The following TENM1 variants were observed in gnomAD, a reference collection of about 807,000 sequenced individuals.
TENM1 encodes teneurin transmembrane protein 1.
TENM1 carries 35 observed loss-of-function variants against 174.8 expected under a neutral mutation model. That is an observed-to-expected ratio of 0.20 (90% CI 0.15 to 0.27). The LOEUF (loss-of-function observed/expected upper bound fraction) is 0.27. Ranked by LOEUF, TENM1 falls within the 10% of genes least tolerant of loss-of-function variation. The pLI is 1.00. For synonymous variants in TENM1, 781 were observed against 798.7 expected, an observed-to-expected ratio of 0.98 and a Z score of 0.37; for missense variants, 1,633 against 2,130.1, an observed-to-expected ratio of 0.77 and a Z score of 4.59.
Position 124,800,794 on chromosome X carries a change from A to G in TENM1, c.536-63597T>C, listed in dbSNP as rs548371329. ...AGCTGTGTCCCAGGGATTCTAGTAC[A>G]TTGTCTCTTTGTTCTAATAGGTTTC... On this transcript the variant is annotated intron_variant, in intron 3 of 31. Coordinates refer to ENST00000422452, the Ensembl canonical transcript of TENM1. Among the ~76,000 whole-genome samples, 29 of 111,700 alleles carry G rather than the reference A, an allele frequency of 2.6e-4. No homozygotes were observed. The South Asian group carries it at 0.011, about 42-fold the overall frequency.
At chrX:124,529,095 A>G (rs1259604286) in intron 16 of TENM1, among the ~76,000 whole-genome samples, 1 of 111,537 alleles carries the variant, frequency 9.0e-6, no homozygotes, top group Non-Finnish European at 1.9e-5. Context: ...TGAGTAGGAC[A>G]TTTTAAGGGT....
At chrX:125,102,761 A>G in the TENM1 span, among the ~76,000 whole-genome samples, 2 of 112,542 alleles carry the variant, frequency 1.8e-5, no homozygotes, top group Non-Finnish European at 3.8e-5. Context: ...TTAGTTAGAC[A>G]TACCCTTGAA....
Position 124,411,337 on chromosome X carries a change from A to ATG in TENM1, c.4983-4850_4983-4849dup, listed in dbSNP as rs35094942. Among the ~76,000 whole-genome samples the ATG allele has an allele frequency of 6.3e-3, 685 of 108,282 alleles. 3 individuals carry two copies. Among genetic ancestry groups the ATG allele is most frequent in the African/African-American group, 0.019 (578 of 29,768 alleles). 94.0% of individuals were successfully genotyped at this position (108,282 alleles called of 115,157 possible). A position where few individuals can be genotyped will look rare whatever the true frequency, so the allele number is the denominator to read the frequency against. ...TATATGTGTGTGTTTGTGTGTGTGT[A>ATG]TGTGTGTGTGTGTGTGTGCACGCAC... On this transcript the variant is annotated intron_variant, in intron 25 of 31. Coordinates refer to ENST00000422452, the Ensembl canonical transcript of TENM1.
intron 11 of TENM1, among the ~76,000 whole-genome samples, chrX:124,566,716 G>C (rs971969134): frequency 8.9e-6 from 1 of 111,916 alleles, no homozygotes; most frequent in Non-Finnish European, 1.9e-5. Context: ...ATATTCTTCT[G>C]ATAAAGCCAT....
In TENM1 at chrX:124,459,346, C is replaced by T. The variant is rs139348660; in HGVS notation, c.3950-5855G>A. Among the ~76,000 whole-genome samples, 3 of 111,569 alleles carry T rather than the reference C, an allele frequency of 2.7e-5. No homozygotes were observed. The East Asian group carries it at 8.4e-4, about 31-fold the overall frequency. On this transcript the variant is annotated intron_variant, in intron 22 of 31. Transcript: ENST00000422452. Reference sequence around the variant, plus strand: ...TCCAGGTACTGTGCTGGATTCCTTACATAGATTTTCTCATTCAATCCTCCC... The same window carrying T: ...TCCAGGTACTGTGCTGGATTCCTTATATAGATTTTCTCATTCAATCCTCCC...
intron 11 of TENM1, among the ~76,000 whole-genome samples, chrX:124,627,449 C>T (rs931695216): frequency 9.0e-6 from 1 of 111,580 alleles, no homozygotes; most frequent in African/African-American, 3.3e-5. Context: ...AATATGACCT[C>T]GTGGGAAAAT....
At chrX:124,516,418 T>C (rs1359591792) in intron 18 of TENM1, among the ~76,000 whole-genome samples, 1 of 111,761 alleles carries the variant, frequency 8.9e-6, no homozygotes, top group East Asian at 2.8e-4. Context: ...ACAGATAACC[T>C]AAAGAATAGG....
At chrX:125,067,829 TTCTCA>T in the TENM1 span, among the ~76,000 whole-genome samples, 1 of 112,292 alleles carries the variant, frequency 8.9e-6, no homozygotes, top group Non-Finnish European at 1.9e-5. Flanking sequence ...ATACTCTTCC[TTCTCA>T]TCTTTCCCTT....
At chrX:124,642,131 A>T in intron 10 of TENM1, 140 bp from the exon 14 acceptor site, 1 of 496,045 alleles carries the variant, frequency 2.0e-6, no homozygotes, top group East Asian at 3.4e-5. Flanking sequence ...CAATAAAATG[A>T]CTCATGCAAA....
the TENM1 span, among the ~76,000 whole-genome samples, chrX:125,200,377 G>C: frequency 0.025 from 2,813 of 110,801 alleles, 48 homozygotes; most frequent in Non-Finnish European, 0.038. Context: ...TACACTTCCA[G>C]TCGTGGGTAT....
chrX:124,653,867 T>C (rs763072987), intron 6 of TENM1, 84 bp from the exon 10 acceptor site: 180 of 832,687 alleles, frequency 2.2e-4, no homozygotes, highest in Non-Finnish European at 3.1e-4. Flanking sequence ...AGAACAGATA[T>C]ATCAAAATAA....
At chrX:124,523,547 T>C (rs1313342099) in exon 17 of TENM1, 1 of 1,209,355 alleles carries the variant, frequency 8.3e-7, no homozygotes, top group Non-Finnish European at 1.1e-6. Context: ...GCAACCAGAG[T>C]GTTCTCTTCT....
At chrX:125,092,066 T>C in the TENM1 span, among the ~76,000 whole-genome samples, 3 of 108,969 alleles carry the variant, frequency 2.8e-5, no homozygotes, top group Admixed American at 9.8e-5. Context: ...CAATGCGATG[T>C]TTTGAATAGA....
At chrX:124,830,289 T>C in intron 3 of TENM1, among the ~76,000 whole-genome samples, 1 of 111,460 alleles carries the variant, frequency 9.0e-6, no homozygotes. Flanking sequence ...GAAAGGAGCA[T>C]AAGTGGTGCT....
chrX:124,545,056 A>C (rs2048400103), intron 15 of TENM1, among the ~76,000 whole-genome samples: 1 of 112,136 alleles, frequency 8.9e-6, no homozygotes, highest in Non-Finnish European at 1.9e-5. Context: ...TTGATTTTTT[A>C]GAGGAAATAG....
chrX:125,054,238 C>G, the TENM1 span, among the ~76,000 whole-genome samples: 1 of 110,220 alleles, frequency 9.1e-6, no homozygotes, highest in East Asian at 2.9e-4. Flanking sequence ...CCCCGCATCT[C>G]TCTTCCCCCT....
intron 22 of TENM1, among the ~76,000 whole-genome samples, chrX:124,475,726 C>A (rs1254671388): frequency 9.0e-6 from 1 of 111,649 alleles, no homozygotes; most frequent in Non-Finnish European, 1.9e-5. Context: ...TCATTAGATC[C>A]TCTTCCATTG....
At chrX:124,928,478 CAG>C (rs1371726675) in intron 1 of TENM1, among the ~76,000 whole-genome samples, 3 of 111,798 alleles carry the variant, frequency 2.7e-5, no homozygotes, top group Non-Finnish European at 3.8e-5. Context: ...ATTAGAGACA[CAG>C]AGATTTTATC....
At chrX:125,174,155 T>G in the TENM1 span, among the ~76,000 whole-genome samples, 1 of 111,537 alleles carries the variant, frequency 9.0e-6, no homozygotes, top group Non-Finnish European at 1.9e-5. Flanking sequence ...GTGCTCACCG[T>G]TAGAAACACA....
Sources: gnomAD v4.1 joint callset for allele counts (sites outside exome capture counted in the v4.1 genomes callset) on GRCh38, gnomAD v4.1.1 for gene constraint, MANE v1.5 for transcripts, NCBI Gene and HGNC (gene_info 2026-07-23, HGNC 2026-07-21) for gene names.